CTNNA3: variants seen among roughly 807,000 people sequenced by gnomAD.
The protein encoded by CTNNA3 is catenin alpha-3.
A neutral mutation model predicts 95.7 loss-of-function variants in CTNNA3; 76 were observed. The ratio of observed to expected loss-of-function variants is 0.79; its 90% CI spans 0.66 to 0.96. The LOEUF is 0.96. Among genes scored for constraint, CTNNA3 ranks in the 40% least tolerant of loss-of-function variants. The pLI, the probability that CTNNA3 is intolerant of heterozygous loss-of-function variation, is 0.00. For synonymous variants in CTNNA3, 431 were observed against 374.4 expected (o/e 1.15, Z -1.74); for missense variants, 1,191 against 1,089.8 (o/e 1.09, Z -1.31).
intron 17 of CTNNA3, among the ~76,000 whole-genome samples, chr10:65,953,961 A>G (rs2077676502): frequency 1.3e-5 from 2 of 152,200 alleles, no homozygotes; most frequent in Non-Finnish European, 2.9e-5. Flanking sequence ...GAATCACCAC[A>G]CTGTCTTCCA....
chr10:66,510,479 T>C lies in CTNNA3; in HGVS notation c.1531+10138A>G, dbSNP rs1403802838. Among the ~76,000 whole-genome samples, 6 of 151,846 alleles carry C rather than the reference T, an allele frequency of 4.0e-5. No homozygotes were observed. The East Asian group carries it at 1.2e-3, about 29-fold the overall frequency. On this transcript the variant is annotated intron_variant, in intron 11 of 17. Coordinates refer to ENST00000433211, the MANE Select transcript of CTNNA3 (RefSeq NM_013266.4). ...AGCATCCTTGTCTTCTTCCAGTTCTTAGAGAAAAAGCTTCCAGTATTTCTT... is the reference window on the plus strand; with the variant it reads ...AGCATCCTTGTCTTCTTCCAGTTCTCAGAGAAAAAGCTTCCAGTATTTCTT...
intron 1 of CTNNA3, among the ~76,000 whole-genome samples, chr10:67,756,961 GT>G (rs1045027599): frequency 1.2e-4 from 18 of 152,108 alleles, no homozygotes; most frequent in African/African-American, 3.4e-4. Context: ...GTGGGTTGAG[GT>G]TTTTTTCTAT....
At chr10:65,981,474 G>A (rs1165580633) in intron 16 of CTNNA3, among the ~76,000 whole-genome samples, 1 of 151,532 alleles carries the variant, frequency 6.6e-6, no homozygotes, top group Non-Finnish European at 1.5e-5. Flanking sequence ...CACCATCATT[G>A]TTTACAGAGT....
chr10:66,682,455 G>A (rs1316261257), intron 9 of CTNNA3, among the ~76,000 whole-genome samples: 1 of 151,842 alleles, frequency 6.6e-6, no homozygotes. Flanking sequence ...ATTAAAATAT[G>A]GATGGAAGGA....
At chr10:67,485,220 G>C (rs927232732) in intron 5 of CTNNA3, among the ~76,000 whole-genome samples, 1 of 152,336 alleles carries the variant, frequency 6.6e-6, no homozygotes, top group South Asian at 2.1e-4. Context: ...CACAGAAACA[G>C]AAAACCAAAT....
At chr10:67,740,014 A>C (rs1808504229) in intron 1 of CTNNA3, among the ~76,000 whole-genome samples, 1 of 152,194 alleles carries the variant, frequency 6.6e-6, no homozygotes, top group South Asian at 2.1e-4. Flanking sequence ...CATATCTACA[A>C]CTATCTGATC....
intron 5 of CTNNA3, among the ~76,000 whole-genome samples, chr10:67,344,794 C>CT (rs1842351516): frequency 6.6e-6 from 1 of 151,950 alleles, no homozygotes; most frequent in East Asian, 1.9e-4. Flanking sequence ...AAAACACCAA[C>CT]TTTTTGTTTC....
chr10:67,219,511 A>G (rs1864549135), intron 6 of CTNNA3, 96 bp downstream of exon 6: 2 of 1,355,998 alleles, frequency 1.5e-6, no homozygotes, highest in Non-Finnish European at 2.0e-6. Context: ...TTATTTTCTC[A>G]TGCTCTAAAC....
intron 3 of CTNNA3, among the ~76,000 whole-genome samples, chr10:67,554,376 G>C (rs1179816527): frequency 6.6e-6 from 1 of 151,932 alleles, no homozygotes; most frequent in Non-Finnish European, 1.5e-5. Flanking sequence ...AGTCCCAACA[G>C]TGTAAAAGTG....
intron 5 of CTNNA3, among the ~76,000 whole-genome samples, chr10:67,290,340 A>G (rs1839785551): frequency 1.3e-5 from 2 of 152,194 alleles, no homozygotes; most frequent in South Asian, 4.1e-4. Context: ...ACAAACATTC[A>G]TGAGCACATA....
At chr10:67,129,922 C>G (rs755931264) in intron 7 of CTNNA3, among the ~76,000 whole-genome samples, 3 of 151,946 alleles carry the variant, frequency 2.0e-5, no homozygotes, top group Non-Finnish European at 2.9e-5. Flanking sequence ...CTCACTTATT[C>G]TGAAAAATAA....
chr10:67,661,673 G>C (rs913105050), intron 1 of CTNNA3, among the ~76,000 whole-genome samples: 33 of 151,776 alleles, frequency 2.2e-4, no homozygotes, highest in African/African-American at 8.0e-4. Flanking sequence ...AGAACCCTTA[G>C]AACTCAATAA....
chr10:67,129,547 C>T (rs1328577199), intron 7 of CTNNA3, among the ~76,000 whole-genome samples: 3 of 152,122 alleles, frequency 2.0e-5, no homozygotes, highest in South Asian at 4.1e-4. Flanking sequence ...ACATAAGAAG[C>T]TTTGAAATGC....
chr10:66,666,966 A>T (rs533277175), intron 9 of CTNNA3, among the ~76,000 whole-genome samples: 43 of 152,104 alleles, frequency 2.8e-4, no homozygotes, highest in East Asian at 7.7e-4. Flanking sequence ...AGTTTTTTTT[A>T]AAAAAAGGCT....
chr10:66,422,107 C>T (rs1438409246), intron 11 of CTNNA3, among the ~76,000 whole-genome samples: 5 of 151,722 alleles, frequency 3.3e-5, no homozygotes, highest in Admixed American at 6.6e-5. Context: ...TATTTCTCAA[C>T]GGATCCTTAG....
chr10:66,545,434 A>G (rs1433297255), intron 10 of CTNNA3, among the ~76,000 whole-genome samples: 1 of 152,128 alleles, frequency 6.6e-6, no homozygotes. Context: ...TTATATAAAT[A>G]TAACACAAAT....
chr10:67,000,059 A>G (rs1304025803), intron 7 of CTNNA3, among the ~76,000 whole-genome samples: 1 of 152,214 alleles, frequency 6.6e-6, no homozygotes. Context: ...GCTTTAGTAT[A>G]CATGGAAATG....
At chr10:67,724,247 T>C (rs1235098939) in intron 1 of CTNNA3, among the ~76,000 whole-genome samples, 1 of 152,174 alleles carries the variant, frequency 6.6e-6, no homozygotes, top group Non-Finnish European at 1.5e-5. Flanking sequence ...GGAGTGGGCC[T>C]AGAAAACAGA....
At chr10:66,233,333 T>C (rs932250540) in intron 13 of CTNNA3, among the ~76,000 whole-genome samples, 2 of 152,064 alleles carry the variant, frequency 1.3e-5, no homozygotes, top group Non-Finnish European at 2.9e-5. Context: ...CTAATTGATG[T>C]ACTAGTTTTA....
Sources: allele counts gnomAD v4.1 joint callset (sites outside exome capture counted in the v4.1 genomes callset), GRCh38; gene constraint gnomAD v4.1.1; transcripts MANE v1.5; gene names NCBI Gene and HGNC (gene_info 2026-07-23, HGNC 2026-07-21).